MN1: variants seen among roughly 807,000 people sequenced by gnomAD.
The protein encoded by MN1 is transcriptional activator MN1.
In MN1, 19 loss-of-function variants were observed where a neutral mutation model predicts 86.9. The ratio of observed to expected loss-of-function variants is 0.22; its 90% CI spans 0.15 to 0.32. MN1 has a LOEUF of 0.32. MN1 is among the 10% of genes least tolerant of loss of function. The pLI is 1.00. For synonymous variants in MN1, 928 were observed against 849.6 expected (o/e 1.09, Z -1.60); for missense variants, 1,841 against 1,862.0 (o/e 0.99, Z 0.21).
chr22:27,762,924 C>T (rs11913886), intron 1 of MN1, among the ~76,000 whole-genome samples: 8,645 of 151,918 alleles, frequency 0.057, 272 homozygotes, highest in African/African-American at 0.08. Flanking sequence ...CATAACAGGA[C>T]GCTGTCTCAA....
intron 1 of MN1, among the ~76,000 whole-genome samples, chr22:27,773,787 C>T (rs890322607): frequency 6.6e-6 from 1 of 152,106 alleles, no homozygotes; most frequent in African/African-American, 2.4e-5. Context: ...CTCCCGAATA[C>T]TGAGGCACAG....
At chr22:27,785,332 C>T (rs58457535) in intron 1 of MN1, among the ~76,000 whole-genome samples, 1 of 152,204 alleles carries the variant, frequency 6.6e-6, no homozygotes, top group Admixed American at 6.5e-5. Flanking sequence ...CCCCCTCTGT[C>T]GAGAAGCAAA....
At chr22:27,796,731 G>C in intron 1 of MN1, 32 bp downstream of exon 1, 1 of 1,549,720 alleles carries the variant, frequency 6.5e-7, no homozygotes, top group South Asian at 1.2e-5. Flanking sequence ...CGGGTCACCC[G>C]GGAAGTGAGA....
At chr22:27,753,722 A>G (rs576298250) in intron 1 of MN1, among the ~76,000 whole-genome samples, 1 of 152,304 alleles carries the variant, frequency 6.6e-6, no homozygotes, top group East Asian at 1.9e-4. Flanking sequence ...GGGAGAAGGT[A>G]CACCAGGAAG....
chr22:27,774,283 G>A (rs944134471), intron 1 of MN1, among the ~76,000 whole-genome samples: 5 of 152,148 alleles, frequency 3.3e-5, no homozygotes, highest in African/African-American at 1.2e-4. Flanking sequence ...AGATTCTAAG[G>A]CCACTGCCCA....
At chr22:27,777,799 C>T (rs1462297704) in intron 1 of MN1, among the ~76,000 whole-genome samples, 1 of 151,748 alleles carries the variant, frequency 6.6e-6, no homozygotes, top group Admixed American at 6.6e-5. Context: ...CCGCTTGAAC[C>T]CAGAAGGCGG....
chr22:27,774,142 T>C (rs45628741), intron 1 of MN1, among the ~76,000 whole-genome samples: 1 of 152,282 alleles, frequency 6.6e-6, no homozygotes, highest in African/African-American at 2.4e-5. Flanking sequence ...ATTATTCTAA[T>C]AATAATCCCT....
In MN1 at chr22:27,798,365, C is replaced by T. The variant is rs1333528688; in HGVS notation, c.2179G>A (p.Glu727Lys). ...AGVGLPSAAS[E>K]RRPPPPDFAT... ...AAGTCCGGCGGCGGGGGCCGGCGCT[C>T]CGAAGCAGCGCTGGGGAGCCCCACG... The change falls in exon 1 of 2, where the codon GAG (glutamate) becomes AAG (lysine). Residue 727 changes from glutamate to lysine, a missense_variant. Glu to Lys is a moderately conservative substitution (Grantham distance 56). Transcript: ENST00000302326. 1.3e-6 allele frequency: 2 copies of T among 1,501,540 alleles called. No homozygotes were observed. The highest frequency in any genetic ancestry group is 1.8e-6 in the Non-Finnish European group (2 of 1,134,986). 93.0% of individuals were successfully genotyped at this position (1,501,540 alleles called of 1,614,324 possible). A position where few individuals can be genotyped will look rare whatever the true frequency, so the allele number is the denominator to read the frequency against.
chr22:27,796,659 G>T, intron 1 of MN1, 104 bp downstream of exon 1: 1 of 1,195,692 alleles, frequency 8.4e-7, no homozygotes, highest in Non-Finnish European at 1.2e-6. Context: ...AGGAGGGTTT[G>T]TGCCCTCCAA....
intron 1 of MN1, among the ~76,000 whole-genome samples, chr22:27,774,787 G>A (rs540572529): frequency 1.4e-4 from 21 of 152,248 alleles, no homozygotes; most frequent in Admixed American, 8.5e-4. Context: ...AGCAACAGTC[G>A]TGACAATTCC....
intron 1 of MN1, among the ~76,000 whole-genome samples, chr22:27,785,783 C>T (rs1315888894): frequency 1.3e-5 from 2 of 150,898 alleles, no homozygotes; most frequent in East Asian, 3.9e-4. Context: ...CCACCACGGC[C>T]ATCCAGACAA....
intron 1 of MN1, among the ~76,000 whole-genome samples, chr22:27,767,496 C>A (rs1932878634): frequency 6.6e-6 from 1 of 152,118 alleles, no homozygotes; most frequent in Non-Finnish European, 1.5e-5. Flanking sequence ...TGTGCAAAAA[C>A]CCCGAAATGG....
intron 1 of MN1, among the ~76,000 whole-genome samples, chr22:27,772,753 A>G (rs1932930292): frequency 6.6e-6 from 1 of 152,072 alleles, no homozygotes. Context: ...AACTGTTCCC[A>G]GTGGTTTCCA....
In MN1 at chr22:27,748,627, C is replaced by G. The variant is rs1932721275; in HGVS notation, c.*2288G>C. 4.8e-6 allele frequency: 1 copy of G among 209,678 alleles called. No homozygotes were observed. The allele number at this position is 209,678 out of a possible 1,614,324, so 13.0% of individuals were successfully genotyped here. ...GTGTGTAGGGTGTGTTTTTCATTTA[C>G]TTTTATTCTTTCCATTAAACCAAAT... is the stretch of plus-strand genomic sequence containing the variant. On this transcript the variant is annotated 3_prime_UTR_variant, in exon 2 of 2. Transcript: ENST00000302326.
intron 1 of MN1, among the ~76,000 whole-genome samples, chr22:27,779,346 C>A (rs532632584): frequency 6.6e-6 from 1 of 152,170 alleles, no homozygotes; most frequent in African/African-American, 2.4e-5. Flanking sequence ...TGAGGCAGCA[C>A]GGCCTTGCCC....
intron 1 of MN1, among the ~76,000 whole-genome samples, chr22:27,788,714 C>T (rs868405494): frequency 6.6e-5 from 10 of 151,584 alleles, no homozygotes; most frequent in South Asian, 2.1e-4. Context: ...TGTGCACGCA[C>T]GTGTGTACGC....
chr22:27,753,245 C>T (rs538028055), intron 1 of MN1, among the ~76,000 whole-genome samples: 2 of 152,330 alleles, frequency 1.3e-5, no homozygotes, highest in African/African-American at 4.8e-5. Flanking sequence ...ATAGGACAGA[C>T]ACTATCCCCA....
chr22:27,762,938 A>C (rs1315642766), intron 1 of MN1, among the ~76,000 whole-genome samples: 1 of 152,132 alleles, frequency 6.6e-6, no homozygotes, highest in Non-Finnish European at 1.5e-5. Flanking sequence ...GTCTCAAAAA[A>C]TAAAAATAAA....
chr22:27,756,648 G>A (rs547062183), intron 1 of MN1, among the ~76,000 whole-genome samples: 165 of 152,324 alleles, frequency 1.1e-3, no homozygotes, highest in African/African-American at 3.8e-3. Flanking sequence ...CTTGCAGGCT[G>A]CTAGGAGGAT....
Sources: gnomAD v4.1 joint callset for allele counts (sites outside exome capture counted in the v4.1 genomes callset) on GRCh38, gnomAD v4.1.1 for gene constraint, MANE v1.5 for transcripts, NCBI Gene and HGNC (gene_info 2026-07-23, HGNC 2026-07-21) for gene names.